LAMTOR2: variants seen among roughly 807,000 people sequenced by gnomAD.
LAMTOR2 encodes the protein ragulator complex protein LAMTOR2.
LAMTOR2 carries 4 observed loss-of-function variants against 15.8 expected under a neutral mutation model. The observed-to-expected ratio is 0.25, with a 90% CI of 0.12 to 0.58. LAMTOR2 has a LOEUF of 0.58. Ranked by LOEUF, LAMTOR2 falls within the 20% of genes least tolerant of loss-of-function variation. The pLI is 0.91. For missense variants in LAMTOR2, 100 were observed against 161.0 expected (o/e 0.62, Z 2.05); for synonymous variants, 62 against 64.1 (o/e 0.97, Z 0.15).
rs1345514353 is a variant in LAMTOR2, at chr1:156,057,874, T to C, written c.232-104T>C. On this transcript the variant is annotated intron_variant, in intron 2 of 3. Transcript: ENST00000368305. ...TGAACTTCCTGCTGTGCCCAGGGCA[T>C]GGGAGGAAGATATAGTCTCTCTGGG... 24 of 1,077,680 alleles carry C rather than the reference T, an allele frequency of 2.2e-5. No individual in the cohort carries two copies. In the Admixed American group the frequency reaches 4.0e-4, roughly 18 times the overall value. 66.8% of individuals were successfully genotyped at this position (1,077,680 alleles called of 1,614,324 possible). A position where few individuals can be genotyped will look rare whatever the true frequency, so the allele number is the denominator to read the frequency against.
intron 2 of LAMTOR2, among the ~76,000 whole-genome samples, chr1:156,056,525 C>G (rs1479525610): frequency 6.6e-6 from 1 of 152,110 alleles, no homozygotes; most frequent in Admixed American, 6.6e-5. Flanking sequence ...TACCAAGGCC[C>G]TGAGGCAGAA....
chr1:156,055,672 T>A lies in LAMTOR2; in HGVS notation c.231+247T>A. 1.8e-6 allele frequency: 1 copy of A among 552,336 alleles called. No homozygotes were observed. The highest frequency in any genetic ancestry group is 3.3e-6 in the Non-Finnish European group (1 of 307,130). 34.2% of individuals were successfully genotyped at this position (552,336 alleles called of 1,614,324 possible). On this transcript the variant is annotated intron_variant, in intron 2 of 3. Coordinates refer to ENST00000368305, the MANE Select transcript of LAMTOR2 (RefSeq NM_014017.4). The surrounding 1 kb of genome is among the most constrained non-coding windows in gnomAD (Gnocchi z 4.8). Reference sequence around the variant, plus strand: ...CCATCCACTTATCAGTTGTGGAACCTTGGGTAAGTCGCTTAACCTCTCTCA... The same window carrying A: ...CCATCCACTTATCAGTTGTGGAACCATGGGTAAGTCGCTTAACCTCTCTCA...
In LAMTOR2 at chr1:156,055,331, CT is replaced by C; in HGVS notation, c.138del (p.Ala47ProfsTer2). The C allele has an allele frequency of 6.2e-7, 1 of 1,614,226 alleles. No homozygotes were observed. The highest frequency in any genetic ancestry group is 8.5e-7 in the Non-Finnish European group (1 of 1,180,032). ...GGGGACACTGACGCCCGGGTCACCG[CT>C]GCCATAGCCAGTAACATCTGGGCCG... ...GYGDTDARVT[A>X]AIASNIWAAY... On this transcript the variant is annotated frameshift_variant, in exon 2 of 4. Coordinates refer to ENST00000368305, the MANE Select transcript of LAMTOR2 (RefSeq NM_014017.4). LOFTEE classifies it high-confidence loss of function. The surrounding 1 kb of genome is among the most constrained non-coding windows in gnomAD (Gnocchi z 4.8).
rs374386207 is a variant in LAMTOR2, at chr1:156,058,403, G to A, written c.*32G>A. 92 of 1,613,418 alleles carry A rather than the reference G, an allele frequency of 5.7e-5. No homozygotes were observed. The African/African-American group carries it at 1.0e-3, about 18-fold the overall frequency. On this transcript the variant is annotated 3_prime_UTR_variant, in exon 4 of 4. Coordinates refer to ENST00000368305, the MANE Select transcript of LAMTOR2 (RefSeq NM_014017.4). The stretch of plus-strand genomic sequence containing the variant: ...TGGTGGAAGCTGGGGTCAGAAAAGA[G>A]AAATGACCATTTGGAGGGGCGGGGC...
Position 156,055,284 on chromosome 1 carries a change from A to G in LAMTOR2, c.90A>G (p.Ser30=), listed in dbSNP as rs1297252310. Residue 30 remains serine (S), a synonymous_variant, in exon 2 of 4, where the codon TCA becomes TCG. Transcript: ENST00000368305. The surrounding 1 kb of genome is among the most constrained non-coding windows in gnomAD (Gnocchi z 4.8). ...QSTLLLNNEG[S]LLAYSGYGDT... ...CCAGGCTGCTGAATAACGAGGGATC[A>G]CTGCTGGCCTACTCTGGTTACGGGG... 1 of 1,614,116 alleles carries G rather than the reference A, an allele frequency of 6.2e-7. No individual in the cohort carries two copies.
Position 156,058,019 on chromosome 1 carries a change from G to T in LAMTOR2, c.273G>T (p.Leu91=), listed in dbSNP as rs997566961. The change falls in exon 3 of 4, where the codon CTG becomes CTT. Residue 91 remains leucine, a synonymous_variant. Transcript: ENST00000368305. Reference sequence around the variant, plus strand: ...TCACCCGAGTGGCCAACCTTCTGCTGTGTATGTATGCCAAGGAGACCGTGG... The same window carrying T: ...TCACCCGAGTGGCCAACCTTCTGCTTTGTATGTATGCCAAGGAGACCGTGG... ...VAITRVANLL[L]CMYAKETVGF... 2 of 1,614,164 alleles carry T rather than the reference G, an allele frequency of 1.2e-6. No individual in the cohort carries two copies. Among genetic ancestry groups the T allele is most frequent in the East Asian group, 4.5e-5 (2 of 44,880 alleles).
At position 156,055,536 on chromosome 1, in the gene LAMTOR2, T is replaced by G; in HGVS notation, c.231+111T>G. On this transcript the variant is annotated intron_variant, in intron 2 of 3. Transcript: ENST00000368305. This position sits in a 1 kb window ranked among gnomAD's most constrained non-coding sequence, Gnocchi z 4.8. ...GGCAGGGACAGGATCTCCGGAAGAT[T>G]ACTAAGAGTTGGTCTGCAGCAGCAT... The G allele has an allele frequency of 8.0e-7, 1 of 1,252,946 alleles. No homozygotes were observed. The highest frequency in any genetic ancestry group is 1.2e-5 in the South Asian group (1 of 82,674). 77.6% of individuals were successfully genotyped at this position (1,252,946 alleles called of 1,614,324 possible).
chr1:156,057,154 G>A (rs1489763785), intron 2 of LAMTOR2, among the ~76,000 whole-genome samples: 3 of 142,142 alleles, frequency 2.1e-5, no homozygotes, highest in Non-Finnish European at 4.6e-5. Flanking sequence ...CTCCAGCCTG[G>A]GCAACAGAGC....
At position 156,055,547 on chromosome 1, in the gene LAMTOR2, G is replaced by T; in HGVS notation, c.231+122G>T. The T allele has an allele frequency of 8.8e-7, 1 of 1,131,984 alleles. No individual in the cohort carries two copies. The highest frequency in any genetic ancestry group is 1.3e-5 in the South Asian group (1 of 78,720). The allele number at this position is 1,131,984 out of a possible 1,614,324, so 70.1% of individuals were successfully genotyped here. A position where few individuals can be genotyped will look rare whatever the true frequency, so the allele number is the denominator to read the frequency against. On this transcript the variant is annotated intron_variant, in intron 2 of 3. Transcript: ENST00000368305. The surrounding 1 kb of genome is among the most constrained non-coding windows in gnomAD (Gnocchi z 4.8). The stretch of plus-strand genomic sequence containing the variant: ...GATCTCCGGAAGATTACTAAGAGTT[G>T]GTCTGCAGCAGCATTTGTAATAGGC...
rs1647291146 is a variant in LAMTOR2, at chr1:156,055,076, T to C, written c.68+119T>C. 3 of 1,377,198 alleles carry C rather than the reference T, an allele frequency of 2.2e-6. No individual in the cohort carries two copies. The highest frequency in any genetic ancestry group is 1.7e-5 in the Admixed American group (1 of 57,506). 85.3% of individuals were successfully genotyped at this position (1,377,198 alleles called of 1,614,324 possible). A position where few individuals can be genotyped will look rare whatever the true frequency, so the allele number is the denominator to read the frequency against. ...AGGAAGCGGCAGAGGGGGCAGCGGCTGGGGATACCGGCCGGGAGGTCCCCT... is the reference window on the plus strand; with the variant it reads ...AGGAAGCGGCAGAGGGGGCAGCGGCCGGGGATACCGGCCGGGAGGTCCCCT... On this transcript the variant is annotated intron_variant, in intron 1 of 3. Coordinates refer to ENST00000368305, the MANE Select transcript of LAMTOR2 (RefSeq NM_014017.4). This position sits in a 1 kb window ranked among gnomAD's most constrained non-coding sequence, Gnocchi z 4.8.
In LAMTOR2 at chr1:156,058,426, G is replaced by A; in HGVS notation, c.*55G>A. 6.3e-7 allele frequency: 1 copy of A among 1,589,322 alleles called. No homozygotes were observed. The highest frequency in any genetic ancestry group is 8.6e-7 in the Non-Finnish European group (1 of 1,157,780). ...GAGAAATGACCATTTGGAGGGGCGG[G>A]GCCTCCTAGAAGAACCTTCTTAGAC... On this transcript the variant is annotated 3_prime_UTR_variant, in exon 4 of 4. Transcript: ENST00000368305.
At position 156,055,949 on chromosome 1, in the gene LAMTOR2, C is replaced by T. The variant is rs2102764339; in HGVS notation, c.231+524C>T. ...GAAGTCACCATTAGATTGTGAACTTCTTAGTATCTGTTCGGTCGACAAGTA... is the reference window on the plus strand; with the variant it reads ...GAAGTCACCATTAGATTGTGAACTTTTTAGTATCTGTTCGGTCGACAAGTA... On this transcript the variant is annotated intron_variant, in intron 2 of 3. Coordinates refer to ENST00000368305, the MANE Select transcript of LAMTOR2 (RefSeq NM_014017.4). This position sits in a 1 kb window ranked among gnomAD's most constrained non-coding sequence, Gnocchi z 4.8. 5.7e-6 allele frequency: 1 copy of T among 174,134 alleles called. No individual in the cohort carries two copies. Among genetic ancestry groups the T allele is most frequent in the East Asian group, 1.4e-4 (1 of 7,200 alleles). 10.8% of individuals were successfully genotyped at this position (174,134 alleles called of 1,614,324 possible).
At chr1:156,057,891 C>T (rs1327806043) in intron 2 of LAMTOR2, 87 bp from the exon 3 acceptor site, 1 of 1,246,286 alleles carries the variant, frequency 8.0e-7, no homozygotes. Context: ...AAGATATAGT[C>T]TCTCTGGGGC....
At position 156,055,080 on chromosome 1, in the gene LAMTOR2, G is replaced by A; in HGVS notation, c.68+123G>A. The A allele has an allele frequency of 7.3e-7, 1 of 1,366,164 alleles. No homozygotes were observed. The highest frequency in any genetic ancestry group is 2.3e-5 in the East Asian group (1 of 42,842). The allele number at this position is 1,366,164 out of a possible 1,614,324, so 84.6% of individuals were successfully genotyped here. A position where few individuals can be genotyped will look rare whatever the true frequency, so the allele number is the denominator to read the frequency against. ...AGCGGCAGAGGGGGCAGCGGCTGGG[G>A]ATACCGGCCGGGAGGTCCCCTGTCG... On this transcript the variant is annotated intron_variant, in intron 1 of 3. Transcript: ENST00000368305. The surrounding 1 kb of genome is among the most constrained non-coding windows in gnomAD (Gnocchi z 4.8).
Position 156,055,269 on chromosome 1 carries a change from G to T in LAMTOR2, c.75G>T (p.Leu25=). Residue 25 remains leucine (L), a synonymous_variant, in exon 2 of 4, where the codon CTG becomes CTT. Coordinates refer to ENST00000368305, the MANE Select transcript of LAMTOR2 (RefSeq NM_014017.4). This position sits in a 1 kb window ranked among gnomAD's most constrained non-coding sequence, Gnocchi z 4.8. The part of the protein sequence containing the change: ...NTGGVQSTLL[L]NNEGSLLAYS... The stretch of plus-strand genomic sequence containing the variant: ...CCTCCCCGCCCCTCACCAGGCTGCT[G>T]AATAACGAGGGATCACTGCTGGCCT... 1 of 1,613,988 alleles carries T rather than the reference G, an allele frequency of 6.2e-7. No homozygotes were observed. The highest frequency in any genetic ancestry group is 1.3e-5 in the African/African-American group (1 of 75,056).
chr1:156,058,134 C>G, intron 3 of LAMTOR2, 67 bp downstream of exon 3: 1 of 1,527,804 alleles, frequency 6.5e-7, no homozygotes, highest in Non-Finnish European at 9.1e-7. Context: ...GTGTTCACTC[C>G]CACCAGGACC....
Position 156,058,423 on chromosome 1 carries a change from CGGGG to C in LAMTOR2, c.*53_*56del. 1 of 1,598,170 alleles carries C rather than the reference CGGGG, an allele frequency of 6.3e-7. No individual in the cohort carries two copies. Among genetic ancestry groups the C allele is most frequent in the Non-Finnish European group, 8.6e-7 (1 of 1,165,892 alleles). ...AAAGAGAAATGACCATTTGGAGGGG[CGGGG>C]CCTCCTAGAAGAACCTTCTTAGACA... On this transcript the variant is annotated 3_prime_UTR_variant, in exon 4 of 4. Coordinates refer to ENST00000368305, the MANE Select transcript of LAMTOR2 (RefSeq NM_014017.4).
chr1:156,055,329 C>T lies in LAMTOR2; in HGVS notation c.135C>T (p.Thr45=). Residue 45 remains threonine (T), a synonymous_variant, in exon 2 of 4, where the codon ACC becomes ACT. Transcript: ENST00000368305. This position sits in a 1 kb window ranked among gnomAD's most constrained non-coding sequence, Gnocchi z 4.8. ...SGYGDTDARV[T]AAIASNIWAA... is the part of the protein sequence containing the mutation. Reference sequence around the variant, plus strand: ...ACGGGGACACTGACGCCCGGGTCACCGCTGCCATAGCCAGTAACATCTGGG... The same window carrying T: ...ACGGGGACACTGACGCCCGGGTCACTGCTGCCATAGCCAGTAACATCTGGG... The T allele has an allele frequency of 1.2e-6, 2 of 1,614,192 alleles. No individual in the cohort carries two copies. Among genetic ancestry groups the T allele is most frequent in the African/African-American group, 1.3e-5 (1 of 75,040 alleles).
At chr1:156,056,727 A>G (rs910395615) in intron 2 of LAMTOR2, among the ~76,000 whole-genome samples, 2 of 152,136 alleles carry the variant, frequency 1.3e-5, no homozygotes, top group Non-Finnish European at 2.9e-5. Flanking sequence ...TGAACTCTCC[A>G]GGAAGGATCT....
Sources: gnomAD v4.1 joint callset for allele counts (sites outside exome capture counted in the v4.1 genomes callset) on GRCh38, gnomAD v4.1.1 for gene constraint, Gnocchi (gnomAD v3.1) non-coding constraint, MANE v1.5 for transcripts, NCBI Gene and HGNC (gene_info 2026-07-23, HGNC 2026-07-21) for gene names.